The following TMEM255B variants were observed in gnomAD, a reference collection of about 807,000 sequenced individuals.
The protein encoded by TMEM255B is family with sequence similarity 70, member B.
Under a neutral mutation model 34.5 loss-of-function variants are expected in TMEM255B, and 35 were observed. The observed-to-expected ratio is 1.01, with a 90% CI of 0.77 to 1.34. TMEM255B has a LOEUF of 1.34. Ranked by LOEUF, TMEM255B falls within the 40% of genes most tolerant of loss-of-function variation. The pLI is 0.00. For missense variants in TMEM255B, 432 were observed against 433.2 expected (o/e 1.00, Z 0.02); for synonymous variants, 206 against 201.2 (o/e 1.02, Z -0.20).
intron 3 of TMEM255B, among the ~76,000 whole-genome samples, chr13:113,775,013 A>G (rs60183463): frequency 2.1e-5 from 3 of 141,038 alleles, no homozygotes; most frequent in Non-Finnish European, 4.6e-5. Flanking sequence ...TCCACACAAT[A>G]CACAACACAC....
At position 113,795,246 on chromosome 13, in the gene TMEM255B, A is replaced by G. The variant is rs777860528; in HGVS notation, c.342+9A>G. On this transcript the variant is annotated intron_variant, in intron 4 of 8. Coordinates refer to ENST00000375353, the MANE Select transcript of TMEM255B (RefSeq NM_182614.4). Reference sequence around the variant, plus strand: ...TTGCAGCACAGCACATTGTGAGTACATTGTCATTGTGTGCACAGTCGCTTT... The same window carrying G: ...TTGCAGCACAGCACATTGTGAGTACGTTGTCATTGTGTGCACAGTCGCTTT... The G allele has an allele frequency of 2.5e-6, 4 of 1,612,838 alleles. No homozygotes were observed. Among genetic ancestry groups the G allele is most frequent in the Middle Eastern group, 1.7e-4 (1 of 6,060 alleles).
rs1304057822 is a variant in TMEM255B at position 113,769,221 on chromosome 13, C to T, written c.252+61C>T. 25 of 1,578,262 alleles carry T rather than the reference C, an allele frequency of 1.6e-5. No individual in the cohort carries two copies. Among genetic ancestry groups the T allele is most frequent in the Non-Finnish European group, 2.2e-5 (25 of 1,148,020 alleles). On this transcript the variant is annotated intron_variant, in intron 3 of 8. Coordinates refer to ENST00000375353, the MANE Select transcript of TMEM255B (RefSeq NM_182614.4). This position sits in a 1 kb window ranked among gnomAD's most constrained non-coding sequence, Gnocchi z 4.2. ...CCCTCATCAGGGGATGGTACAGCTG[C>T]ACTGGGGCTCTGAGAAGAGTCAGCC...
In TMEM255B at chr13:113,811,867, T is replaced by C. The variant is rs2051317417; in HGVS notation, c.945T>C (p.Phe315=). Reference sequence around the variant, plus strand: ...CACCGTGCTACGCACCCACCTACTTTCCCCCGGGGGAGAAGCCACCCCCCT... The same window carrying C: ...CACCGTGCTACGCACCCACCTACTTCCCCCCGGGGGAGAAGCCACCCCCCT... ...QAPPCYAPTY[F]PPGEKPPPYA... Residue 315 remains phenylalanine, a synonymous_variant, in exon 9 of 9, where the codon TTT becomes TTC. Transcript: ENST00000375353. The C allele has an allele frequency of 2.5e-6, 4 of 1,612,184 alleles. No individual in the cohort carries two copies. Among genetic ancestry groups the C allele is most frequent in the Non-Finnish European group, 1.7e-6 (2 of 1,179,380 alleles).
intron 3 of TMEM255B, among the ~76,000 whole-genome samples, chr13:113,791,464 C>G (rs1457947594): frequency 6.6e-6 from 1 of 152,194 alleles, no homozygotes; most frequent in East Asian, 1.9e-4. Flanking sequence ...TCTGGGGGAC[C>G]ACACTGGTCA....
intron 8 of TMEM255B, among the ~76,000 whole-genome samples, chr13:113,805,322 T>C (rs1299586318): frequency 1.3e-5 from 2 of 152,192 alleles, no homozygotes; most frequent in African/African-American, 4.8e-5. Context: ...GCTGCAGTGG[T>C]GGAGGCTCCT....
chr13:113,801,117 C>T (rs1206104259), intron 6 of TMEM255B, among the ~76,000 whole-genome samples: 1 of 152,188 alleles, frequency 6.6e-6, no homozygotes, highest in East Asian at 1.9e-4. Context: ...CCCCCCCACA[C>T]CCCTGCACCT....
intron 4 of TMEM255B, among the ~76,000 whole-genome samples, 163 bp from the exon 5 acceptor site, chr13:113,799,176 C>T (rs1337220529): frequency 1.3e-5 from 2 of 152,218 alleles, no homozygotes; most frequent in Admixed American, 1.3e-4. Context: ...CTGCAGGGAG[C>T]GTGGAGTCTC....
At chr13:113,809,748 G>A (rs2051265563) in intron 8 of TMEM255B, among the ~76,000 whole-genome samples, 1 of 151,816 alleles carries the variant, frequency 6.6e-6, no homozygotes. Flanking sequence ...GTTACTCCAT[G>A]GGTTCCTGGG....
At chr13:113,811,271 T>C (rs2051296905) in intron 8 of TMEM255B, among the ~76,000 whole-genome samples, 1 of 93,856 alleles carries the variant, frequency 1.1e-5, no homozygotes, top group Non-Finnish European at 2.0e-5. Flanking sequence ...GTGACAGTGG[T>C]CCTGGGTCTG....
intron 7 of TMEM255B, chr13:113,803,082 T>C (rs1422114151): frequency 6.7e-6 from 1 of 148,214 alleles, no homozygotes; most frequent in African/African-American, 2.5e-5. Context: ...ACAGAAACGC[T>C]TGTCTGGTGC....
intron 8 of TMEM255B, among the ~76,000 whole-genome samples, chr13:113,805,745 C>A (rs2138581533): frequency 6.6e-6 from 1 of 152,320 alleles, no homozygotes; most frequent in East Asian, 1.9e-4. Flanking sequence ...GGTGTGACAA[C>A]CCAAACTCTC....
intron 3 of TMEM255B, among the ~76,000 whole-genome samples, chr13:113,794,703 C>T (rs151035428): frequency 6.6e-6 from 1 of 152,200 alleles, no homozygotes; most frequent in African/African-American, 2.4e-5. Context: ...AACTAACGCA[C>T]TATAAACCAT....
intron 3 of TMEM255B, among the ~76,000 whole-genome samples, chr13:113,780,006 T>C (rs1267076912): frequency 6.6e-6 from 1 of 152,252 alleles, no homozygotes; most frequent in Non-Finnish European, 1.5e-5. Flanking sequence ...GCCTTTTAAA[T>C]TGTCTTTGAT....
intron 2 of TMEM255B, among the ~76,000 whole-genome samples, chr13:113,767,935 AG>A (rs1408602764): frequency 2.6e-5 from 4 of 152,266 alleles, no homozygotes; most frequent in Non-Finnish European, 4.4e-5. Context: ...AGTATTTTGA[AG>A]CTCAGCACAT....
At chr13:113,781,301 C>T (rs1036977530) in intron 3 of TMEM255B, among the ~76,000 whole-genome samples, 22 of 152,184 alleles carry the variant, frequency 1.4e-4, no homozygotes, top group African/African-American at 4.8e-4. Flanking sequence ...AATATGTTTA[C>T]AAATAGAATT....
intron 8 of TMEM255B, among the ~76,000 whole-genome samples, chr13:113,809,039 G>T (rs1486226232): frequency 2.2e-5 from 3 of 137,674 alleles, no homozygotes; most frequent in Admixed American, 7.5e-5. Flanking sequence ...TGTGGTTTTT[G>T]GGGGGAGGTT....
intron 1 of TMEM255B, among the ~76,000 whole-genome samples, chr13:113,764,545 GCTCTGCC>G (rs1043182110): frequency 1.9e-4 from 29 of 152,334 alleles, no homozygotes; most frequent in African/African-American, 6.5e-4. Flanking sequence ...CTCAGGGAAG[GCTCTGCC>G]CTCTGCCCGC....
chr13:113,793,832 C>T (rs545518777), intron 3 of TMEM255B, among the ~76,000 whole-genome samples: 2 of 152,310 alleles, frequency 1.3e-5, no homozygotes, highest in South Asian at 2.1e-4. Flanking sequence ...CCAGGGAGGA[C>T]CCCCAGCGGG....
intron 8 of TMEM255B, among the ~76,000 whole-genome samples, chr13:113,811,489 G>A (rs1283051875): frequency 1.4e-5 from 2 of 146,514 alleles, no homozygotes; most frequent in Non-Finnish European, 3.0e-5. Context: ...GGTCTGTGGG[G>A]GGCCCGTGTG....
Sources: gnomAD v4.1 joint callset for allele counts (sites outside exome capture counted in the v4.1 genomes callset) on GRCh38, gnomAD v4.1.1 for gene constraint, Gnocchi (gnomAD v3.1) non-coding constraint, MANE v1.5 for transcripts, NCBI Gene and HGNC (gene_info 2026-07-23, HGNC 2026-07-21) for gene names.